The following TNPO3 variants were observed in gnomAD, a reference collection of about 807,000 sequenced individuals.
TNPO3 encodes transportin-3.
In TNPO3, 65 loss-of-function variants were observed where a neutral mutation model predicts 122.8. That is an observed-to-expected ratio of 0.53 (90% CI 0.43 to 0.65). The LOEUF (loss-of-function observed/expected upper bound fraction) is 0.65. Ranked by LOEUF, TNPO3 falls within the 30% of genes least tolerant of loss-of-function variation. The pLI, the probability that TNPO3 is intolerant of heterozygous loss-of-function variation, is 0.00. For synonymous variants in TNPO3, 372 were observed against 411.2 expected (o/e 0.90, Z 1.15); for missense variants, 850 against 1,136.7 (o/e 0.75, Z 3.63).
intron 10 of TNPO3, among the ~76,000 whole-genome samples, chr7:128,990,451 T>C (rs1244037171): frequency 6.6e-6 from 1 of 152,230 alleles, no homozygotes; most frequent in East Asian, 1.9e-4. Flanking sequence ...TTTAGTCCTA[T>C]AGCTGCAGCA....
chr7:129,045,750 T>G (rs1807962397), intron 1 of TNPO3, among the ~76,000 whole-genome samples: 1 of 152,166 alleles, frequency 6.6e-6, no homozygotes, highest in South Asian at 2.1e-4. Context: ...GACAAGAAAC[T>G]AATCAAAATA....
chr7:128,958,707 T>G lies in TNPO3; in HGVS notation c.2712-1392A>C, dbSNP rs534565922. 5.5e-4 allele frequency among the ~76,000 whole-genome samples: 84 copies of G among 152,340 alleles called. 4 individuals carry two copies. In the South Asian group the frequency reaches 0.017, roughly 31 times the overall value. On this transcript the variant is annotated intron_variant, in intron 21 of 22. Transcript: ENST00000265388. ...ATTAAGAACCTTGACTTAGACTCCA[T>G]GACTTGATTCAACAGAACATTCTAG... is the stretch of plus-strand genomic sequence containing the variant.
chr7:129,001,017 CTG>C (rs1801886973), intron 6 of TNPO3, 40 bp downstream of exon 6: 1 of 1,597,298 alleles, frequency 6.3e-7, no homozygotes, highest in African/African-American at 1.3e-5. Context: ...AATGACCAGA[CTG>C]TAGGTAAACC....
rs1270759821 is a variant in TNPO3, at chr7:128,984,242, C to T, written c.1708G>A (p.Ala570Thr). ...GTAATCTTATCCAAAGGTAATCGGG[C>T]TAGGACAAGTGCTGTCCCTGAAAAA... Reference protein sequence around the residue: ...GLLKGTALVLARLPLDKITEC... With the variant: ...GLLKGTALVLTRLPLDKITEC... Residue 570 changes from alanine to threonine, a missense_variant, in exon 13 of 23, where the codon GCC becomes ACC. Coordinates refer to ENST00000265388, the MANE Select transcript of TNPO3 (RefSeq NM_012470.4). The T allele has an allele frequency of 6.2e-7, 1 of 1,612,142 alleles. No homozygotes were observed. Among genetic ancestry groups the T allele is most frequent in the African/African-American group, 1.3e-5 (1 of 74,810 alleles).
intron 4 of TNPO3, among the ~76,000 whole-genome samples, chr7:129,006,789 C>T (rs1012210003): frequency 6.6e-6 from 1 of 152,120 alleles, no homozygotes; most frequent in Non-Finnish European, 1.5e-5. Flanking sequence ...TATTATTGTG[C>T]TCCAAAGAAT....
At chr7:129,017,884 A>G (rs1233064518) in intron 2 of TNPO3, 73 bp downstream of exon 2, 3 of 1,453,632 alleles carry the variant, frequency 2.1e-6, no homozygotes, top group Non-Finnish European at 2.9e-6. Context: ...ATGGCCTAGC[A>G]ATACGAATTA....
At chr7:128,961,083 A>G (rs1797404796) in intron 21 of TNPO3, among the ~76,000 whole-genome samples, 1 of 152,068 alleles carries the variant, frequency 6.6e-6, no homozygotes, top group Non-Finnish European at 1.5e-5. Flanking sequence ...ATTATTGATG[A>G]AAAAAATTTT....
At chr7:128,972,062 C>T (rs1322637552) in intron 19 of TNPO3, among the ~76,000 whole-genome samples, 1 of 152,114 alleles carries the variant, frequency 6.6e-6, no homozygotes, top group Non-Finnish European at 1.5e-5. Flanking sequence ...AGCTGAGGAT[C>T]CCTTGAGATT....
At chr7:129,040,835 T>C (rs910302402) in intron 1 of TNPO3, among the ~76,000 whole-genome samples, 2 of 152,196 alleles carry the variant, frequency 1.3e-5, no homozygotes, top group African/African-American at 2.4e-5. Flanking sequence ...CTTATTTACT[T>C]TGATACTGTC....
chr7:129,032,197 A>G (rs902385185), intron 1 of TNPO3, among the ~76,000 whole-genome samples: 8 of 152,368 alleles, frequency 5.3e-5, no homozygotes, highest in African/African-American at 1.7e-4. Flanking sequence ...CAGGAAGGAA[A>G]CAACTTCAAA....
chr7:128,990,618 G>A (rs1800648743), intron 10 of TNPO3, among the ~76,000 whole-genome samples: 1 of 152,156 alleles, frequency 6.6e-6, no homozygotes, highest in African/African-American at 2.4e-5. Flanking sequence ...GTTAAGTATG[G>A]GTAGGCAGCT....
chr7:129,021,281 G>A (rs1804476428), intron 1 of TNPO3, among the ~76,000 whole-genome samples: 1 of 151,736 alleles, frequency 6.6e-6, no homozygotes, highest in Admixed American at 6.6e-5. Context: ...CTTGAACCCG[G>A]GAGACGGTGG....
intron 1 of TNPO3, among the ~76,000 whole-genome samples, chr7:129,043,877 C>T (rs571561504): frequency 1.3e-5 from 2 of 152,264 alleles, no homozygotes; most frequent in South Asian, 4.1e-4. Flanking sequence ...AATGGTTAGC[C>T]CATGCAAAGG....
At chr7:128,981,210 A>G (rs1799591183) in intron 14 of TNPO3, among the ~76,000 whole-genome samples, 1 of 152,244 alleles carries the variant, frequency 6.6e-6, no homozygotes, top group Non-Finnish European at 1.5e-5. Flanking sequence ...TGAGAGAAAG[A>G]TATCTGTTGA....
At chr7:129,052,295 A>G (rs1353371143) in intron 1 of TNPO3, among the ~76,000 whole-genome samples, 3 of 152,178 alleles carry the variant, frequency 2.0e-5, no homozygotes, top group Non-Finnish European at 2.9e-5. Flanking sequence ...TCTCAAGGTC[A>G]CCTGAAACTA....
chr7:128,974,838 T>C, intron 18 of TNPO3, 30 bp downstream of exon 18: 1 of 1,570,734 alleles, frequency 6.4e-7, no homozygotes, highest in Non-Finnish European at 8.8e-7. Context: ...GGATGAGCAA[T>C]TAAGAAATGG....
At chr7:128,956,652 T>A (rs776013244) in intron 22 of TNPO3, among the ~76,000 whole-genome samples, 2 of 152,110 alleles carry the variant, frequency 1.3e-5, no homozygotes, top group Non-Finnish European at 2.9e-5. Flanking sequence ...TCCCAAAAAA[T>A]CCAAAATTGA....
At chr7:129,032,357 G>A (rs1031103371) in intron 1 of TNPO3, among the ~76,000 whole-genome samples, 7 of 152,162 alleles carry the variant, frequency 4.6e-5, no homozygotes, top group African/African-American at 1.7e-4. Flanking sequence ...TCTAGCCAGA[G>A]CAATTAGGCA....
chr7:129,039,003 T>C (rs1376453686), intron 1 of TNPO3, among the ~76,000 whole-genome samples: 1 of 152,116 alleles, frequency 6.6e-6, no homozygotes, highest in Non-Finnish European at 1.5e-5. Context: ...GACAAAGAAC[T>C]TGAATAGACA....
Sources: allele counts gnomAD v4.1 joint callset (sites outside exome capture counted in the v4.1 genomes callset), GRCh38; gene constraint gnomAD v4.1.1; transcripts MANE v1.5; gene names NCBI Gene and HGNC (gene_info 2026-07-23, HGNC 2026-07-21).